Variants in IRAG1 observed in about 807,000 individuals in gnomAD.
IRAG1 encodes the protein inositol 1,4,5-triphosphate receptor associated 1, also known as IP3R-associated cGMP kinase substrate.
A neutral mutation model predicts 106.2 loss-of-function variants in IRAG1; 62 were observed. That is an observed-to-expected ratio of 0.58 (90% CI 0.48 to 0.72). IRAG1 has a LOEUF of 0.72. Among genes scored for constraint, IRAG1 ranks in the 30% least tolerant of loss-of-function variants. The pLI is 0.00. For missense variants in IRAG1, 1,064 were observed against 1,140.7 expected, an observed-to-expected ratio of 0.93 and a Z score of 0.97; for synonymous variants, 462 against 443.9, an observed-to-expected ratio of 1.04 and a Z score of -0.51.
chr11:10,658,015 T>C (rs1411878870), intron 1 of IRAG1, among the ~76,000 whole-genome samples: 3 of 152,220 alleles, frequency 2.0e-5, no homozygotes, highest in Non-Finnish European at 4.4e-5. Context: ...GGGTAAGCCA[T>C]TGTGTCTGTG....
At chr11:10,604,306 G>A (rs997214967) in intron 13 of IRAG1, 99 bp downstream of exon 13, 1 of 1,466,848 alleles carries the variant, frequency 6.8e-7, no homozygotes, top group Middle Eastern at 1.9e-4. Flanking sequence ...TTTCACTTCA[G>A]GAGACTATAC....
intron 15 of IRAG1, among the ~76,000 whole-genome samples, chr11:10,595,172 G>A (rs772265245): frequency 7.2e-5 from 11 of 151,770 alleles, no homozygotes; most frequent in Non-Finnish European, 1.5e-4. Context: ...GTATCTACCC[G>A]CCTCGGCCGC....
At chr11:10,606,875 A>T in intron 11 of IRAG1, 103 bp from the exon 12 acceptor site, 1 of 1,114,612 alleles carries the variant, frequency 9.0e-7, no homozygotes, top group African/African-American at 1.6e-5. Context: ...GGGGTGGAGT[A>T]AGCTGTGTTG....
chr11:10,687,799 C>A (rs1408820482), intron 1 of IRAG1: 1 of 1,288,566 alleles, frequency 7.8e-7, no homozygotes, highest in Non-Finnish European at 1.0e-6. Context: ...CAGACAGGGG[C>A]TAGAAATAAT....
intron 18 of IRAG1, 60 bp downstream of exon 18, chr11:10,591,488 T>A: frequency 1.4e-6 from 2 of 1,454,306 alleles, no homozygotes; most frequent in Non-Finnish European, 1.9e-6. Flanking sequence ...GGAAGGAAAG[T>A]AAAATGGGGA....
At position 10,629,590 on chromosome 11, in the gene IRAG1, G is replaced by A. The variant is rs1046997644; in HGVS notation, c.522C>T (p.Phe174=). ...LEEAKLVSER[F]LTRRGRKSRS... is the part of the protein sequence containing the mutation. ...TGGACTTCCTCCCACGGCGGGTCAGGAATCGCTCACTCACCAACTTGGCTT... is the reference window on the plus strand; with the variant it reads ...TGGACTTCCTCCCACGGCGGGTCAGAAATCGCTCACTCACCAACTTGGCTT... The change falls in exon 5 of 21, where the codon TTC becomes TTT. Residue 174 remains phenylalanine, a synonymous_variant. Coordinates refer to ENST00000423302, the MANE Select transcript of IRAG1 (RefSeq NM_130385.4). 6.2e-7 allele frequency: 1 copy of A among 1,613,998 alleles called. No individual in the cohort carries two copies. Among genetic ancestry groups the A allele is most frequent in the South Asian group, 1.1e-5 (1 of 91,088 alleles).
chr11:10,625,666 A>C (rs142965590), intron 9 of IRAG1, among the ~76,000 whole-genome samples: 1 of 152,180 alleles, frequency 6.6e-6, no homozygotes, highest in East Asian at 1.9e-4. Flanking sequence ...CCCAGGACTG[A>C]GGGGCCCACA....
chr11:10,595,171 C>T (rs534469161), intron 15 of IRAG1, among the ~76,000 whole-genome samples: 34 of 151,930 alleles, frequency 2.2e-4, no homozygotes, highest in South Asian at 6.2e-4. Context: ...AGTATCTACC[C>T]GCCTCGGCCG....
At position 10,627,995 on chromosome 11, in the gene IRAG1, G is replaced by A; in HGVS notation, c.683C>T (p.Pro228Leu). 6.2e-7 allele frequency: 1 copy of A among 1,611,376 alleles called. No homozygotes were observed. Among genetic ancestry groups the A allele is most frequent in the South Asian group, 1.1e-5 (1 of 90,832 alleles). The change falls in exon 7 of 21, where the codon CCT becomes CTT. Residue 228 changes from proline (P) to leucine (L), a missense_variant. By Grantham distance (98) the Pro-to-Leu change is moderately conservative. Transcript: ENST00000423302. ...CACCTGTGGTGGTGCTCCAGGCAGA[G>A]GGGATGGCGGGCCACTGCACACATC... ...GLDVCSGPPS[P>L]LPGAPPQKGD...
chr11:10,657,363 G>A lies in IRAG1; in HGVS notation c.68-5181C>T, dbSNP rs896462246. Among the ~76,000 whole-genome samples, 16 of 152,088 alleles carry A rather than the reference G, an allele frequency of 1.1e-4. No individual in the cohort carries two copies. The highest frequency in any genetic ancestry group is 5.9e-4 in the Admixed American group (9 of 15,272). ...TCCTTGCAGGGCCAAGCCTGTTCTC[G>A]GCAGGCAGCAGCAGCCTCTCATCAT... On this transcript the variant is annotated intron_variant, in intron 1 of 20. Transcript: ENST00000423302. The surrounding 1 kb of genome is among the most constrained non-coding windows in gnomAD (Gnocchi z 4.1).
rs188666587 is a variant in IRAG1, at chr11:10,628,755, C to A, written c.648G>T (p.Pro216=). The A allele has an allele frequency of 2.0e-6, 3 of 1,534,488 alleles. No individual in the cohort carries two copies. The highest frequency in any genetic ancestry group is 2.6e-6 in the Non-Finnish European group (3 of 1,147,320). ...CCCCGGGCAGCTGGGCCTCACCTGGCGGGGTGGGGACTGTAAGTGAGTTGC... is the reference window on the plus strand; with the variant it reads ...CCCCGGGCAGCTGGGCCTCACCTGGAGGGGTGGGGACTGTAAGTGAGTTGC... The part of the protein sequence containing the change: ...SRSNSLTVPT[P]PGLDVCSGPP... Residue 216 remains proline, a synonymous_variant, in exon 6 of 21, where the codon CCG becomes CCT. Transcript: ENST00000423302. This position sits in a 1 kb window ranked among gnomAD's most constrained non-coding sequence, Gnocchi z 4.1.
At chr11:10,654,912 C>T (rs566009729) in intron 1 of IRAG1, among the ~76,000 whole-genome samples, 3 of 152,332 alleles carry the variant, frequency 2.0e-5, no homozygotes, top group Non-Finnish European at 2.9e-5. Context: ...GGCATGCTGT[C>T]TGTGTCTTCC....
chr11:10,643,703 C>T (rs11042907), intron 2 of IRAG1, among the ~76,000 whole-genome samples: 5 of 152,292 alleles, frequency 3.3e-5, no homozygotes, highest in East Asian at 1.9e-4. Flanking sequence ...CCTATCACAA[C>T]ACAATCAAGC....
At chr11:10,679,296 T>C (rs1274255358) in intron 1 of IRAG1, among the ~76,000 whole-genome samples, 1 of 152,162 alleles carries the variant, frequency 6.6e-6, no homozygotes. Flanking sequence ...CCTTATCTAG[T>C]TCCAGAACAC....
intron 15 of IRAG1, among the ~76,000 whole-genome samples, chr11:10,594,852 A>G (rs1292617539): frequency 6.6e-6 from 1 of 151,984 alleles, no homozygotes; most frequent in Non-Finnish European, 1.5e-5. Flanking sequence ...TAGCCTGCAT[A>G]TCTCTCTCTT....
At chr11:10,598,148 T>C in intron 15 of IRAG1, among the ~76,000 whole-genome samples, 1 of 152,226 alleles carries the variant, frequency 6.6e-6, no homozygotes, top group East Asian at 1.9e-4. Context: ...GTGTCAACTC[T>C]CTACCATAGG....
chr11:10,577,389 CCTCT>C (rs140476283), intron 20 of IRAG1, among the ~76,000 whole-genome samples: 3 of 150,950 alleles, frequency 2.0e-5, no homozygotes, highest in African/African-American at 7.3e-5. Flanking sequence ...TTCATTTTGT[CCTCT>C]CTCTCTCTCT....
At chr11:10,603,370 G>T (rs1341016527) in intron 13 of IRAG1, 119 bp from the exon 14 acceptor site, 1 of 1,154,258 alleles carries the variant, frequency 8.7e-7, no homozygotes, top group Non-Finnish European at 1.2e-6. Context: ...CACAAACCTG[G>T]TGGGGGCGAT....
chr11:10,607,038 C>T (rs1255688115), intron 11 of IRAG1, among the ~76,000 whole-genome samples: 1 of 152,172 alleles, frequency 6.6e-6, no homozygotes, highest in Admixed American at 6.5e-5. Context: ...GGAATCATAT[C>T]ACCTACCTTG....
Sources: gnomAD v4.1 joint callset for allele counts (sites outside exome capture counted in the v4.1 genomes callset) on GRCh38, gnomAD v4.1.1 for gene constraint, Gnocchi (gnomAD v3.1) non-coding constraint, MANE v1.5 for transcripts, NCBI Gene and HGNC (gene_info 2026-07-23, HGNC 2026-07-21) for gene names.